Variants in ANKS1B observed in about 807,000 individuals in gnomAD.
The protein encoded by ANKS1B is ankyrin repeat and sterile alpha motif domain containing 1B.
A neutral mutation model predicts 148.3 loss-of-function variants in ANKS1B; 36 were observed. That is an observed-to-expected ratio of 0.24 (90% confidence interval 0.19 to 0.32). ANKS1B has a LOEUF of 0.32. Ranked by LOEUF, ANKS1B falls within the 10% of genes least tolerant of loss-of-function variation. The pLI is 1.00. For missense variants in ANKS1B, 1,157 were observed against 1,542.6 expected (o/e 0.75, Z 4.19); for synonymous variants, 542 against 560.8 (o/e 0.97, Z 0.47).
chr12:99,238,044 G>A (rs951756149), intron 14 of ANKS1B, among the ~76,000 whole-genome samples: 19 of 152,214 alleles, frequency 1.2e-4, no homozygotes, highest in Admixed American at 7.2e-4. Context: ...CATTGAGACT[G>A]GTTGGACAGT....
chr12:98,802,133 C>T (rs1401814932), intron 20 of ANKS1B, among the ~76,000 whole-genome samples: 1 of 152,178 alleles, frequency 6.6e-6, no homozygotes, highest in Non-Finnish European at 1.5e-5. Context: ...TCTAGAGTGA[C>T]TCTCCTCTAA....
intron 8 of ANKS1B, among the ~76,000 whole-genome samples, chr12:99,657,192 C>T (rs138862753): frequency 1.3e-5 from 2 of 152,222 alleles, no homozygotes; most frequent in African/African-American, 4.8e-5. Flanking sequence ...TTTCCTCTCA[C>T]TTTATAAATG....
At chr12:99,814,008 T>C (rs950588400) in intron 2 of ANKS1B, among the ~76,000 whole-genome samples, 2 of 151,736 alleles carry the variant, frequency 1.3e-5, no homozygotes, top group Non-Finnish European at 3.0e-5. Context: ...TGTTTTGATA[T>C]GTTTAGATAC....
At chr12:99,163,504 T>TGTGTGTGTG (rs1555318159) in intron 14 of ANKS1B, among the ~76,000 whole-genome samples, 1 of 123,688 alleles carries the variant, frequency 8.1e-6, no homozygotes, top group Admixed American at 8.8e-5. Flanking sequence ...TGTGTGTGTG[T>TGTGTGTGTG]TTAGTTCTGT....
chr12:98,897,871 C>T (rs1468379708), intron 17 of ANKS1B, among the ~76,000 whole-genome samples: 1 of 152,188 alleles, frequency 6.6e-6, no homozygotes. Context: ...CCATGGGATA[C>T]TATGCAGCCA....
chr12:99,111,058 A>C (rs2060187301), intron 15 of ANKS1B, among the ~76,000 whole-genome samples: 1 of 152,194 alleles, frequency 6.6e-6, no homozygotes, highest in South Asian at 2.1e-4. Context: ...GCCCCCTGGA[A>C]GGCAATCAGG....
At chr12:99,195,283 G>A (rs978970755) in intron 14 of ANKS1B, among the ~76,000 whole-genome samples, 1 of 152,042 alleles carries the variant, frequency 6.6e-6, no homozygotes, top group Non-Finnish European at 1.5e-5. Context: ...CTCCAATAAC[G>A]TAATAAACAT....
chr12:98,794,588 A>T, intron 22 of ANKS1B: 1 of 769,596 alleles, frequency 1.3e-6, no homozygotes, highest in South Asian at 1.3e-5. Context: ...TGTAAATCTA[A>T]ATGTCATTAA....
intron 14 of ANKS1B, among the ~76,000 whole-genome samples, chr12:99,162,324 ATATG>A (rs1016205092): frequency 6.6e-6 from 1 of 152,114 alleles, no homozygotes; most frequent in African/African-American, 2.4e-5. Context: ...TAAATTATAT[ATATG>A]TATTTATATA....
Position 99,251,816 on chromosome 12 carries a change from T to C in ANKS1B, c.1757-4952A>G, listed in dbSNP as rs977404476. ...ATCTGATTTAGAAAATAAAAATTTTTCCTATTTTTAAGGATACCGGGGCTG... is the reference window on the plus strand; with the variant it reads ...ATCTGATTTAGAAAATAAAAATTTTCCCTATTTTTAAGGATACCGGGGCTG... On this transcript the variant is annotated intron_variant, in intron 12 of 26. Transcript: ENST00000683438. Among the ~76,000 whole-genome samples, 80 of 152,192 alleles carry C rather than the reference T, an allele frequency of 5.3e-4. 1 individual carries two copies. The highest frequency in any genetic ancestry group is 1.8e-3 in the African/African-American group (75 of 41,458).
At chr12:99,697,606 G>A (rs1189226247) in intron 8 of ANKS1B, among the ~76,000 whole-genome samples, 2 of 152,084 alleles carry the variant, frequency 1.3e-5, no homozygotes, top group South Asian at 2.1e-4. Flanking sequence ...TGAATAAGGA[G>A]ACCACAAAAG....
At chr12:99,194,823 A>G (rs563541621) in intron 14 of ANKS1B, among the ~76,000 whole-genome samples, 1 of 152,298 alleles carries the variant, frequency 6.6e-6, no homozygotes, top group Non-Finnish European at 1.5e-5. Context: ...ACTTTCTTCA[A>G]AATAATCCTG....
At chr12:99,095,654 G>T (rs571308401) in intron 15 of ANKS1B, among the ~76,000 whole-genome samples, 1 of 152,290 alleles carries the variant, frequency 6.6e-6, no homozygotes, top group South Asian at 2.1e-4. Context: ...TAATGATGGG[G>T]ATGTGTACTG....
chr12:99,611,276 T>C (rs1009660712), intron 9 of ANKS1B, among the ~76,000 whole-genome samples: 6 of 152,272 alleles, frequency 3.9e-5, no homozygotes, highest in East Asian at 1.9e-4. Flanking sequence ...CTAGTTCAGA[T>C]ACTCTAGACA....
At chr12:99,091,244 C>T (rs2053884187) in intron 15 of ANKS1B, among the ~76,000 whole-genome samples, 1 of 152,094 alleles carries the variant, frequency 6.6e-6, no homozygotes, top group Non-Finnish European at 1.5e-5. Context: ...ACCATGATTA[C>T]AATGAATTTT....
chr12:99,656,055 C>T (rs183011875), intron 8 of ANKS1B, among the ~76,000 whole-genome samples: 28 of 152,178 alleles, frequency 1.8e-4, no homozygotes, highest in African/African-American at 6.7e-4. Context: ...AGCCAGGAAA[C>T]TAAATCTTTA....
chr12:98,899,228 CT>C (rs1173804175), intron 17 of ANKS1B, among the ~76,000 whole-genome samples: 2 of 152,100 alleles, frequency 1.3e-5, no homozygotes, highest in Non-Finnish European at 2.9e-5. Flanking sequence ...GAGTAAGTTA[CT>C]TTTTTGAGCC....
At chr12:99,742,098 T>C (rs920145179) in intron 8 of ANKS1B, among the ~76,000 whole-genome samples, 6 of 151,396 alleles carry the variant, frequency 4.0e-5, no homozygotes, top group African/African-American at 1.2e-4. Flanking sequence ...CTGGAGCCTA[T>C]TGGAGGGTGG....
At position 99,465,388 on chromosome 12, in the gene ANKS1B, C is replaced by T. The variant is rs374207036; in HGVS notation, c.1439-21579G>A. On this transcript the variant is annotated intron_variant, in intron 10 of 26. Coordinates refer to ENST00000683438, the MANE Select transcript of ANKS1B (RefSeq NM_001352186.2). ...GCTAGGAAGAAACTGCATCAACTAA[C>T]GAGCAAAATAACCAGCTAACATCAT... Among the ~76,000 whole-genome samples the T allele has an allele frequency of 8.5e-5, 13 of 152,240 alleles. 1 individual carries two copies. The East Asian group carries it at 1.4e-3, about 16-fold the overall frequency.
Sources: allele counts gnomAD v4.1 joint callset (sites outside exome capture counted in the v4.1 genomes callset), GRCh38; gene constraint gnomAD v4.1.1; transcripts MANE v1.5; gene names NCBI Gene and HGNC (gene_info 2026-07-23, HGNC 2026-07-21).